The following GREM2 variants were observed in gnomAD, a reference collection of about 807,000 sequenced individuals.
GREM2 encodes the protein gremlin-2.
Under a neutral mutation model 14.2 loss-of-function variants are expected in GREM2, and 11 were observed. The observed-to-expected ratio is 0.78, with a 90% CI of 0.49 to 1.28. GREM2 has a LOEUF of 1.28. Among genes scored for constraint, GREM2 ranks in the 50% most tolerant of loss-of-function variants. The pLI is 0.00. For missense variants in GREM2, 210 were observed against 218.5 expected, an observed-to-expected ratio of 0.96 and a Z score of 0.24; for synonymous variants, 98 against 97.6, an observed-to-expected ratio of 1.00 and a Z score of -0.02.
chr1:240,532,230 C>T (rs2103315961), intron 1 of GREM2, among the ~76,000 whole-genome samples: 1 of 152,166 alleles, frequency 6.6e-6, no homozygotes, highest in African/African-American at 2.4e-5. Flanking sequence ...ATTATAGGTG[C>T]ACGCCACCAT....
intron 1 of GREM2, among the ~76,000 whole-genome samples, chr1:240,547,275 C>T (rs145689829): frequency 0.025 from 3,740 of 151,700 alleles, 62 homozygotes; most frequent in Non-Finnish European, 0.034. Flanking sequence ...CCGAGGTGGG[C>T]GGATCACGAG....
At chr1:240,563,986 G>T (rs911759718) in intron 1 of GREM2, among the ~76,000 whole-genome samples, 1 of 152,098 alleles carries the variant, frequency 6.6e-6, no homozygotes, top group Non-Finnish European at 1.5e-5. Flanking sequence ...AAAGTGGAAG[G>T]ATCACTTGAG....
At chr1:240,588,086 T>C (rs918239175) in intron 1 of GREM2, among the ~76,000 whole-genome samples, 1 of 152,146 alleles carries the variant, frequency 6.6e-6, no homozygotes, top group Non-Finnish European at 1.5e-5. Context: ...CCTTAACCAA[T>C]GAATGGCAGA....
chr1:240,545,378 A>G (rs964598499), intron 1 of GREM2, among the ~76,000 whole-genome samples: 8 of 152,222 alleles, frequency 5.3e-5, no homozygotes, highest in Non-Finnish European at 1.2e-4. Context: ...GCCTTGTCCT[A>G]TACGTCTCTT....
At chr1:240,609,375 C>A (rs1680089585) in intron 1 of GREM2, among the ~76,000 whole-genome samples, 1 of 151,974 alleles carries the variant, frequency 6.6e-6, no homozygotes, top group Non-Finnish European at 1.5e-5. Context: ...AGTCTGAGGA[C>A]CACATTTTAG....
chr1:240,574,159 A>ATT (rs779275409), intron 1 of GREM2, among the ~76,000 whole-genome samples: 14 of 152,172 alleles, frequency 9.2e-5, no homozygotes, highest in Admixed American at 7.9e-4. Context: ...TGACCTTGTG[A>ATT]TCTGCCCGCC....
rs556609130 is a variant in GREM2, at chr1:240,542,216, T to C, written c.-1-48740A>G. ...GCATCAATATTGAGAAACCATAGAT[T>C]AGATGTGCTACCTGATCACATCTCT... On this transcript the variant is annotated intron_variant, in intron 1 of 1. Coordinates refer to ENST00000318160, the MANE Select transcript of GREM2 (RefSeq NM_022469.4). This position sits in a 1 kb window ranked among gnomAD's most constrained non-coding sequence, Gnocchi z 4.1. 6.6e-6 allele frequency among the ~76,000 whole-genome samples: 1 copy of C among 152,102 alleles called. No individual in the cohort carries two copies. Among genetic ancestry groups the C allele is most frequent in the Non-Finnish European group, 1.5e-5 (1 of 68,028 alleles).
At chr1:240,533,349 T>C (rs1363108288) in intron 1 of GREM2, among the ~76,000 whole-genome samples, 11 of 152,144 alleles carry the variant, frequency 7.2e-5, no homozygotes, top group Non-Finnish European at 1.6e-4. Context: ...GCATTGCATG[T>C]TCTGAGAATT....
In GREM2 at chr1:240,562,807, ATGTG is replaced by A. The variant is rs752625717; in HGVS notation, c.-2+49073_-2+49076del. ...TGTGTATGTGTGTATGTGAGTGTGT[ATGTG>A]TGTATTGTGTACACGTGAGTGTGTG... On this transcript the variant is annotated intron_variant, in intron 1 of 1. Transcript: ENST00000318160. Among the ~76,000 whole-genome samples, 4 of 146,066 alleles carry A rather than the reference ATGTG, an allele frequency of 2.7e-5. No homozygotes were observed. In the East Asian group the frequency reaches 8.5e-4, roughly 31 times the overall value.
chr1:240,590,105 G>T (rs1679676320), intron 1 of GREM2, among the ~76,000 whole-genome samples: 1 of 152,184 alleles, frequency 6.6e-6, no homozygotes, highest in Non-Finnish European at 1.5e-5. Context: ...ACAGTTATCT[G>T]TGAGCAGGAA....
At chr1:240,537,518 A>G (rs953158082) in intron 1 of GREM2, among the ~76,000 whole-genome samples, 12 of 152,234 alleles carry the variant, frequency 7.9e-5, no homozygotes, top group Admixed American at 7.2e-4. Context: ...CAGGCCGGGC[A>G]CGGTGGCTGT....
intron 1 of GREM2, among the ~76,000 whole-genome samples, chr1:240,514,948 A>T (rs1412148485): frequency 9.1e-6 from 1 of 109,836 alleles, no homozygotes; most frequent in African/African-American, 3.4e-5. Flanking sequence ...CTCAAACAAC[A>T]AACAAACAAA....
At chr1:240,508,173 G>A (rs1482154320) in intron 1 of GREM2, among the ~76,000 whole-genome samples, 1 of 152,178 alleles carries the variant, frequency 6.6e-6, no homozygotes, top group African/African-American at 2.4e-5. Flanking sequence ...GACTAAGTCT[G>A]TTTTGTTCAC....
At chr1:240,516,995 G>T (rs1189141025) in intron 1 of GREM2, among the ~76,000 whole-genome samples, 1 of 152,058 alleles carries the variant, frequency 6.6e-6, no homozygotes, top group Non-Finnish European at 1.5e-5. Context: ...TCTTCAAATC[G>T]CTTTGTGCCA....
intron 1 of GREM2, among the ~76,000 whole-genome samples, chr1:240,588,305 T>C (rs1339017677): frequency 6.6e-6 from 1 of 152,180 alleles, no homozygotes; most frequent in Admixed American, 6.5e-5. Context: ...CACCTACCCT[T>C]GTTCCTGGCA....
At chr1:240,518,565 T>A (rs1429547620) in intron 1 of GREM2, among the ~76,000 whole-genome samples, 1 of 152,218 alleles carries the variant, frequency 6.6e-6, no homozygotes, top group East Asian at 1.9e-4. Flanking sequence ...TGTCTGAAAG[T>A]CAAGAGTTAA....
Position 240,515,116 on chromosome 1 carries a change from A to G in GREM2, c.-1-21640T>C, listed in dbSNP as rs368171813. ...CTTTCTGGAGATTTTACAAACACAT[A>G]GGACAGAAATAGCAGCGGGAATGGG... On this transcript the variant is annotated intron_variant, in intron 1 of 1. Transcript: ENST00000318160. Among the ~76,000 whole-genome samples, 8 of 152,344 alleles carry G rather than the reference A, an allele frequency of 5.3e-5. No individual in the cohort carries two copies. In the South Asian group the frequency reaches 8.3e-4, roughly 16 times the overall value.
intron 1 of GREM2, among the ~76,000 whole-genome samples, chr1:240,538,528 C>A (rs1156764920): frequency 6.6e-6 from 1 of 151,522 alleles, no homozygotes. Flanking sequence ...ATAGTGAGAC[C>A]TTTGTCTCTC....
intron 1 of GREM2, among the ~76,000 whole-genome samples, chr1:240,590,939 G>A (rs905872192): frequency 3.3e-5 from 5 of 151,862 alleles, no homozygotes; most frequent in East Asian, 1.9e-4. Flanking sequence ...GCGCCTCCAT[G>A]CCCGGCTAAT....
Sources: gnomAD v4.1 joint callset for allele counts (sites outside exome capture counted in the v4.1 genomes callset) on GRCh38, gnomAD v4.1.1 for gene constraint, Gnocchi (gnomAD v3.1) non-coding constraint, MANE v1.5 for transcripts, NCBI Gene and HGNC (gene_info 2026-07-23, HGNC 2026-07-21) for gene names.